Variants in SCAF11 observed in about 807,000 individuals in gnomAD.
SCAF11 encodes the protein SR-related CTD associated factor 11, also known as protein SCAF11.
A neutral mutation model predicts 140.5 loss-of-function variants in SCAF11; 47 were observed. The observed-to-expected ratio is 0.33, with a 90% CI of 0.26 to 0.43. The LOEUF (loss-of-function observed/expected upper bound fraction) is 0.43. Among genes scored for constraint, SCAF11 ranks in the 20% least tolerant of loss-of-function variants. SCAF11 has a pLI of 1.00. For synonymous variants in SCAF11, 557 were observed against 579.4 expected (o/e 0.96, Z 0.55); for missense variants, 1,645 against 1,705.1 (o/e 0.96, Z 0.62).
intron 1 of SCAF11, among the ~76,000 whole-genome samples, chr12:45,980,605 C>T (rs1946328103): frequency 6.6e-6 from 1 of 152,152 alleles, no homozygotes. Flanking sequence ...CGGCCTAATA[C>T]ACAAAAGGAT....
intron 1 of SCAF11, among the ~76,000 whole-genome samples, chr12:45,983,139 C>CA (rs1946383655): frequency 6.6e-6 from 1 of 152,148 alleles, no homozygotes; most frequent in Non-Finnish European, 1.5e-5. Context: ...AGGTGGACTT[C>CA]AAGTCTATCT....
Position 45,928,002 on chromosome 12 carries a change from G to A in SCAF11, c.1699C>T (p.Pro567Ser), listed in dbSNP as rs978922507. 1.2e-6 allele frequency: 2 copies of A among 1,612,906 alleles called. No homozygotes were observed. Among genetic ancestry groups the A allele is most frequent in the African/African-American group, 2.7e-5 (2 of 74,904 alleles). The change falls in exon 11 of 15, where the codon CCC (proline) becomes TCC (serine). Residue 567 changes from proline (P) to serine (S), a missense_variant. Pro to Ser is a moderately conservative substitution (Grantham distance 74). Around this residue, in one of 2 missense-constraint regions of SCAF11, gnomAD observed 1,582 missense variants for 1,609.2 expected, o/e 0.98. Coordinates refer to ENST00000369367, the MANE Select transcript of SCAF11 (RefSeq NM_004719.3). ...ACATTCTCAGATAAGTCACTTAGGG[G>A]ACAAGATACAGGTTGGTACACTTTG... ...ESKVYQPVSC[P>S]LSDLSENVES... is the part of the protein sequence containing the mutation.
At position 45,990,455 on chromosome 12, in the gene SCAF11, CG is replaced by C; in HGVS notation, c.-125del. 8.1e-7 allele frequency: 1 copy of C among 1,231,560 alleles called. No individual in the cohort carries two copies. Among genetic ancestry groups the C allele is most frequent in the South Asian group, 4.1e-5 (1 of 24,308 alleles). 76.3% of individuals were successfully genotyped at this position (1,231,560 alleles called of 1,614,324 possible). A position where few individuals can be genotyped will look rare whatever the true frequency, so the allele number is the denominator to read the frequency against. ...GTTCCCCAACATGGACTCCTTCGTC[CG>C]CTTTGTGGTGTTACAGGGTCTCTAG... is the stretch of plus-strand genomic sequence containing the variant. On this transcript the variant is annotated 5_prime_UTR_variant, in exon 1 of 15. Coordinates refer to ENST00000369367, the MANE Select transcript of SCAF11 (RefSeq NM_004719.3).
chr12:45,945,018 C>T, intron 6 of SCAF11: 1 of 480,586 alleles, frequency 2.1e-6, no homozygotes, highest in Non-Finnish European at 3.6e-6. Context: ...CTCTTTTCTC[C>T]CAACACACGC....
intron 6 of SCAF11, among the ~76,000 whole-genome samples, chr12:45,937,981 G>A (rs1233837822): frequency 1.3e-5 from 2 of 152,130 alleles, no homozygotes; most frequent in Non-Finnish European, 2.9e-5. Flanking sequence ...AGATAATGGA[G>A]GCCTCCAAAC....
At chr12:45,935,939 G>A (rs943927429) in intron 6 of SCAF11, among the ~76,000 whole-genome samples, 3 of 152,038 alleles carry the variant, frequency 2.0e-5, no homozygotes, top group Admixed American at 1.3e-4. Flanking sequence ...GCAGTGATAC[G>A]CCTTTTCATT....
chr12:45,980,626 G>T (rs939831499), intron 1 of SCAF11, among the ~76,000 whole-genome samples: 1 of 152,124 alleles, frequency 6.6e-6, no homozygotes, highest in African/African-American at 2.4e-5. Flanking sequence ...CTCTATAAGG[G>T]TCATAAGTTA....
chr12:45,931,737 A>G (rs1297234517), intron 9 of SCAF11, 125 bp from the exon 10 acceptor site: 2 of 450,338 alleles, frequency 4.4e-6, no homozygotes, highest in Non-Finnish European at 7.9e-6. Flanking sequence ...TTTTTTGCCC[A>G]AATAGCTAAA....
At chr12:45,940,995 G>A (rs1945285663) in intron 6 of SCAF11, among the ~76,000 whole-genome samples, 1 of 151,976 alleles carries the variant, frequency 6.6e-6, no homozygotes. Context: ...TGTAGAGGTG[G>A]GTTTCGCCAC....
chr12:45,927,125 C>T lies in SCAF11; in HGVS notation c.2576G>A (p.Arg859Lys). The T allele has an allele frequency of 1.2e-6, 2 of 1,614,196 alleles. No individual in the cohort carries two copies. Among genetic ancestry groups the T allele is most frequent in the South Asian group, 1.1e-5 (1 of 91,080 alleles). ...TGGAGACCGAGACTGAGATTGCCTC[C>T]TTTCTCTTGCAATATCCTTTTTTGG... is the stretch of plus-strand genomic sequence containing the variant. ...QSPKKDIARERRQSQSRSPKR... is the reference protein window; with the variant it reads ...QSPKKDIAREKRQSQSRSPKR... The change falls in exon 11 of 15, where the codon AGG becomes AAG. Residue 859 changes from arginine to lysine, a missense_variant. Physicochemically the swap from Arg to Lys is conservative, Grantham distance 26 (BLOSUM62 2). Coordinates refer to ENST00000369367, the MANE Select transcript of SCAF11 (RefSeq NM_004719.3).
chr12:45,944,555 C>T (rs2136557216), intron 6 of SCAF11, among the ~76,000 whole-genome samples: 1 of 152,316 alleles, frequency 6.6e-6, no homozygotes, highest in East Asian at 1.9e-4. Flanking sequence ...GTGACTTAGT[C>T]TGGAAAATAA....
Position 45,926,772 on chromosome 12 carries a change from A to G in SCAF11, c.2929T>C (p.Cys977Arg), listed in dbSNP as rs1489609271. The G allele has an allele frequency of 6.2e-7, 1 of 1,614,004 alleles. No homozygotes were observed. Among genetic ancestry groups the G allele is most frequent in the African/African-American group, 1.3e-5 (1 of 74,982 alleles). Reference sequence around the variant, plus strand: ...CTGTACCGATCATTTCCTCGTGGACATCTCCAACCATCATTTGCCCATCTT... The same window carrying G: ...CTGTACCGATCATTTCCTCGTGGACGTCTCCAACCATCATTTGCCCATCTT... ...KGRWANDGWR[C>R]PRGNDRYRKN... is the part of the protein sequence containing the mutation. Residue 977 changes from cysteine (C) to arginine (R), a missense_variant, in exon 11 of 15, where the codon TGT (cysteine) becomes CGT (arginine). Transcript: ENST00000369367.
At chr12:45,950,125 G>A (rs1165039069) in intron 4 of SCAF11, among the ~76,000 whole-genome samples, 1 of 152,100 alleles carries the variant, frequency 6.6e-6, no homozygotes, top group Admixed American at 6.6e-5. Context: ...AGCACTACAC[G>A]CAGAAAACAA....
intron 5 of SCAF11, among the ~76,000 whole-genome samples, chr12:45,946,573 T>C (rs1945428204): frequency 6.6e-6 from 1 of 152,116 alleles, no homozygotes; most frequent in South Asian, 2.1e-4. Context: ...CTGTGAGCCT[T>C]ATAGGTAATT....
intron 6 of SCAF11, 110 bp from the exon 7 acceptor site, chr12:45,934,615 G>T: frequency 1.6e-6 from 1 of 607,272 alleles, no homozygotes; most frequent in Non-Finnish European, 2.7e-6. Flanking sequence ...ACGTAGAAAA[G>T]CTGTATTTCA....
intron 6 of SCAF11, among the ~76,000 whole-genome samples, chr12:45,940,123 CCT>C (rs1396884783): frequency 5.1e-4 from 78 of 151,992 alleles, no homozygotes; most frequent in Non-Finnish European, 1.9e-4. Context: ...GTCTAAGAAA[CCT>C]CATAAGAAAT....
At chr12:45,947,102 T>C (rs1482245096) in intron 5 of SCAF11, among the ~76,000 whole-genome samples, 1 of 152,190 alleles carries the variant, frequency 6.6e-6, no homozygotes, top group East Asian at 1.9e-4. Flanking sequence ...ACTTACTCTT[T>C]TAAGAAATTA....
rs1399497775 is a variant in SCAF11, at chr12:45,921,066, C to G, written c.*982G>C. On this transcript the variant is annotated 3_prime_UTR_variant, in exon 15 of 15. Transcript: ENST00000369367. ...GGCATGGTCTCGGCTCACTGCAATC[C>G]CCGCCTCCCGGGTTCAACTGATTCT... 2 of 151,970 alleles carry G rather than the reference C, an allele frequency of 1.3e-5. No homozygotes were observed. The highest frequency in any genetic ancestry group is 2.9e-5 in the Non-Finnish European group (2 of 68,010). 9.4% of individuals were successfully genotyped at this position (151,970 alleles called of 1,614,324 possible). A position where few individuals can be genotyped will look rare whatever the true frequency, so the allele number is the denominator to read the frequency against.
At position 45,927,264 on chromosome 12, in the gene SCAF11, G is replaced by A. The variant is rs566172979; in HGVS notation, c.2437C>T (p.Arg813Trp). The A allele has an allele frequency of 1.6e-5, 26 of 1,613,820 alleles. No homozygotes were observed. The highest frequency in any genetic ancestry group is 1.7e-4 in the Middle Eastern group (1 of 6,060). ...PNKDTPQEKK[R>W]PQSPSPRRET... The stretch of plus-strand genomic sequence containing the variant: ...CTTCTGGGAGATGGAGACTGGGGCC[G>A]CTTCTTTTCTTGTGGAGTGTCTTTG... The change falls in exon 11 of 15, where the codon CGG becomes TGG. Residue 813 changes from arginine (R) to tryptophan (W), a missense_variant. Physicochemically the swap from Arg to Trp is moderately radical, Grantham distance 101 (BLOSUM62 -3). Around this residue, in one of 2 missense-constraint regions of SCAF11, gnomAD observed 1,582 missense variants for 1,609.2 expected, o/e 0.98. Transcript: ENST00000369367.
Sources: allele counts gnomAD v4.1 joint callset (sites outside exome capture counted in the v4.1 genomes callset), GRCh38; gene constraint gnomAD v4.1.1; regional missense constraint gnomAD v4.1.1; transcripts MANE v1.5; gene names NCBI Gene and HGNC (gene_info 2026-07-23, HGNC 2026-07-21).